ESR1: variants seen among roughly 807,000 people sequenced by gnomAD.
The protein encoded by ESR1 is estrogen receptor 1.
ESR1 carries 12 observed loss-of-function variants against 52.7 expected under a neutral mutation model. The observed-to-expected ratio is 0.23, with a 90% CI of 0.15 to 0.37. ESR1 has a LOEUF of 0.37. Among genes scored for constraint, ESR1 ranks in the 10% least tolerant of loss-of-function variants. The pLI, the probability that ESR1 is intolerant of heterozygous loss-of-function variation, is 1.00. For missense variants in ESR1, 584 were observed against 779.7 expected, an observed-to-expected ratio of 0.75 and a Z score of 2.99; for synonymous variants, 305 against 316.8, an observed-to-expected ratio of 0.96 and a Z score of 0.39.
intron 2 of ESR1, among the ~76,000 whole-genome samples, chr6:151,843,971 G>C (rs1784705556): frequency 6.6e-6 from 1 of 151,140 alleles, no homozygotes; most frequent in Admixed American, 6.6e-5. Context: ...GGTCAACATG[G>C]TCTATTTTAA....
chr6:151,661,851 G>C (rs1421440683), intron 1 of ESR1, among the ~76,000 whole-genome samples: 3 of 152,162 alleles, frequency 2.0e-5, no homozygotes, highest in African/African-American at 7.2e-5. Flanking sequence ...TATGTAAGAC[G>C]TGCCTTGTTT....
At chr6:151,982,786 T>C (rs961807582) in intron 4 of ESR1, among the ~76,000 whole-genome samples, 1 of 152,144 alleles carries the variant, frequency 6.6e-6, no homozygotes, top group African/African-American at 2.4e-5. Flanking sequence ...CAACATGTAA[T>C]CAATAGAATA....
chr6:151,853,731 C>G (rs1457376869), intron 2 of ESR1, among the ~76,000 whole-genome samples: 1 of 152,116 alleles, frequency 6.6e-6, no homozygotes, highest in Non-Finnish European at 1.5e-5. Flanking sequence ...GCTACCACTT[C>G]AAGCATTTTT....
At chr6:151,842,426 A>G (rs1346763534) in intron 1 of ESR1, among the ~76,000 whole-genome samples, 171 bp from the exon 2 acceptor site, 1 of 152,246 alleles carries the variant, frequency 6.6e-6, no homozygotes, top group Non-Finnish European at 1.5e-5. Context: ...CAAGGTTAAT[A>G]TAATAGGCAA....
intron 3 of ESR1, among the ~76,000 whole-genome samples, chr6:151,890,888 T>C (rs964012419): frequency 6.6e-6 from 1 of 152,236 alleles, no homozygotes; most frequent in Admixed American, 6.5e-5. Flanking sequence ...TAACCATGCA[T>C]TGAATCTCTT....
intron 3 of ESR1, among the ~76,000 whole-genome samples, chr6:151,941,672 AC>A (rs2035080222): frequency 6.6e-6 from 1 of 151,882 alleles, no homozygotes; most frequent in Non-Finnish European, 1.5e-5. Context: ...CTTTGGGAAT[AC>A]CCCCTTGAAA....
intron 4 of ESR1, among the ~76,000 whole-genome samples, chr6:152,009,997 C>T (rs2042635749): frequency 6.6e-6 from 1 of 151,974 alleles, no homozygotes; most frequent in Non-Finnish European, 1.5e-5. Flanking sequence ...AGGTAAGAGA[C>T]TGTTAGGAGC....
At chr6:151,766,300 G>A (rs1266725319) in intron 2 of ESR1, among the ~76,000 whole-genome samples, 2 of 152,048 alleles carry the variant, frequency 1.3e-5, no homozygotes, top group African/African-American at 4.8e-5. Context: ...AGCTCGTGAG[G>A]ACTCTCTGAT....
intron 1 of ESR1, among the ~76,000 whole-genome samples, chr6:151,659,065 G>C (rs1777549766): frequency 6.6e-6 from 1 of 152,198 alleles, no homozygotes; most frequent in African/African-American, 2.4e-5. Flanking sequence ...CCAGGCTGGA[G>C]TGCAGTAGTG....
chr6:151,856,490 T>C (rs1787858772), intron 2 of ESR1, among the ~76,000 whole-genome samples: 1 of 152,216 alleles, frequency 6.6e-6, no homozygotes, highest in South Asian at 2.1e-4. Flanking sequence ...TAGTAGATGA[T>C]ACACTTAGAT....
At chr6:151,724,587 TAC>T (rs67896661) in intron 2 of ESR1, among the ~76,000 whole-genome samples, 3,374 of 149,682 alleles carry the variant, frequency 0.023, 74 homozygotes, top group African/African-American at 0.051. Context: ...CACACACACA[TAC>T]ACACACACAC....
chr6:152,091,426 G>A (rs1403369466), intron 6 of ESR1, among the ~76,000 whole-genome samples: 1 of 152,204 alleles, frequency 6.6e-6, no homozygotes, highest in Non-Finnish European at 1.5e-5. Flanking sequence ...GGCTTGTTCT[G>A]CAAATGGCCT....
intron 5 of ESR1, among the ~76,000 whole-genome samples, chr6:152,025,922 T>C (rs2982702): frequency 0.44 from 66,840 of 151,858 alleles, 16,655 homozygotes; most frequent in African/African-American, 0.67. Flanking sequence ...CTTTCATTAT[T>C]ATTATTTCCT....
intron 4 of ESR1, among the ~76,000 whole-genome samples, chr6:151,997,550 G>A (rs962325550): frequency 1.3e-5 from 2 of 152,102 alleles, no homozygotes; most frequent in Admixed American, 1.3e-4. Context: ...AACACATTAT[G>A]ACTGCTAATA....
chr6:152,006,007 G>T (rs2042302025), intron 4 of ESR1, among the ~76,000 whole-genome samples: 1 of 152,052 alleles, frequency 6.6e-6, no homozygotes, highest in Admixed American at 6.6e-5. Flanking sequence ...GTATGATATG[G>T]GATGGGGGTC....
chr6:151,762,625 C>T (rs563100538), intron 2 of ESR1, among the ~76,000 whole-genome samples: 6 of 152,182 alleles, frequency 3.9e-5, no homozygotes, highest in Admixed American at 6.5e-5. Flanking sequence ...AGTTATTTTA[C>T]GTAATTAGCA....
At chr6:152,107,677 T>C (rs564531662), downstream of ESR1, among the ~76,000 whole-genome samples, 1 of 152,360 alleles carries the variant, frequency 6.6e-6, no homozygotes, top group African/African-American at 2.4e-5. Flanking sequence ...TCCTAATTTT[T>C]ATTGAAAACT....
intron 2 of ESR1, among the ~76,000 whole-genome samples, chr6:151,707,145 TTA>T (rs1267273499): frequency 6.6e-6 from 1 of 152,230 alleles, no homozygotes; most frequent in Non-Finnish European, 1.5e-5. Flanking sequence ...AATGAAATCA[TTA>T]TCTTTCTTAT....
At chr6:152,125,943 C>T (rs953790010) in exon 7 of ESR1, 1 of 152,274 alleles carries the variant, frequency 6.6e-6, no homozygotes, top group Non-Finnish European at 1.5e-5. Flanking sequence ...CTCATCTTTG[C>T]AAATGAGAAA....
Sources: gnomAD v4.1 joint callset for allele counts (sites outside exome capture counted in the v4.1 genomes callset) on GRCh38, gnomAD v4.1.1 for gene constraint, MANE v1.5 for transcripts, NCBI Gene and HGNC (gene_info 2026-07-23, HGNC 2026-07-21) for gene names.